The following TASP1 variants were observed in gnomAD, a reference collection of about 807,000 sequenced individuals.
The protein encoded by TASP1 is threonine aspartase 1.
A neutral mutation model predicts 56.6 loss-of-function variants in TASP1; 16 were observed. The ratio of observed to expected loss-of-function variants is 0.28; its 90% confidence interval spans 0.19 to 0.43. TASP1 has a LOEUF of 0.43. TASP1 is among the 20% of genes least tolerant of loss of function. The probability of loss-of-function intolerance (pLI) is 1.00; values close to 1 mark genes in which losing one functional copy is unlikely to be tolerated. For missense variants in TASP1, 393 were observed against 511.6 expected (o/e 0.77, Z 2.24); for synonymous variants, 179 against 184.2 (o/e 0.97, Z 0.23).
intron 10 of TASP1, among the ~76,000 whole-genome samples, chr20:13,492,967 TA>T (rs1473583826): frequency 1.3e-5 from 2 of 152,118 alleles, no homozygotes; most frequent in African/African-American, 4.8e-5. Context: ...ATAGTACATA[TA>T]CTAAGTGCTT....
At chr20:13,288,807 C>CG in the TASP1 span, 1 of 963,026 alleles carries the variant, frequency 1.0e-6, no homozygotes, top group African/African-American at 1.7e-5. Context: ...TTTTTTGAGA[C>CG]GGAGTCTCTC....
intron 12 of TASP1, among the ~76,000 whole-genome samples, chr20:13,432,318 T>C (rs919825177): frequency 6.6e-6 from 1 of 152,200 alleles, no homozygotes; most frequent in African/African-American, 2.4e-5. Context: ...AAGAAATAGA[T>C]GTGTGAGCAC....
the TASP1 span, among the ~76,000 whole-genome samples, chr20:13,250,017 G>A: frequency 3.3e-5 from 5 of 152,092 alleles, no homozygotes; most frequent in African/African-American, 4.8e-5. Context: ...TCCATCGATC[G>A]CTTCCAGGGG....
intron 4 of TASP1, among the ~76,000 whole-genome samples, chr20:13,595,882 G>C (rs1403380346): frequency 6.6e-6 from 1 of 152,086 alleles, no homozygotes; most frequent in East Asian, 1.9e-4. Context: ...AGACCTAATA[G>C]ACACCTACAG....
chr20:13,318,206 T>C, the TASP1 span, among the ~76,000 whole-genome samples: 4 of 151,494 alleles, frequency 2.6e-5, 1 homozygote, highest in African/African-American at 9.7e-5. Flanking sequence ...AAAGAAGATA[T>C]ACAGATGGCA....
chr20:13,569,619 A>C (rs368764059), intron 6 of TASP1, 33 bp from the exon 7 acceptor site: 38 of 1,563,038 alleles, frequency 2.4e-5, no homozygotes, highest in Non-Finnish European at 3.2e-5. Flanking sequence ...TAAAATTCAC[A>C]GTGTCATCTT....
chr20:13,431,687 T>A (rs1252648713), intron 12 of TASP1, among the ~76,000 whole-genome samples: 1 of 152,180 alleles, frequency 6.6e-6, no homozygotes, highest in African/African-American at 2.4e-5. Context: ...AAATCCATGT[T>A]GAAACCTATT....
intron 13 of TASP1, among the ~76,000 whole-genome samples, chr20:13,416,063 G>A (rs886363437): frequency 6.6e-6 from 1 of 152,080 alleles, no homozygotes; most frequent in Admixed American, 6.5e-5. Flanking sequence ...TGGTAGCCAC[G>A]AGCCACATGT....
chr20:13,501,017 C>T (rs953062040), intron 10 of TASP1, among the ~76,000 whole-genome samples: 10 of 151,852 alleles, frequency 6.6e-5, no homozygotes, highest in African/African-American at 1.7e-4. Context: ...ACAAAGAGAC[C>T]ACTACAGATA....
chr20:13,359,899 C>T, the TASP1 span, among the ~76,000 whole-genome samples: 2 of 152,006 alleles, frequency 1.3e-5, no homozygotes, highest in Non-Finnish European at 1.5e-5. Context: ...CGATCATGCA[C>T]CCCTTACCAT....
chr20:13,209,172 C>A, the TASP1 span, among the ~76,000 whole-genome samples: 1 of 152,124 alleles, frequency 6.6e-6, no homozygotes, highest in African/African-American at 2.4e-5. Flanking sequence ...TTGAAATTGA[C>A]CTGAAACCTG....
At chr20:13,294,726 C>T in the TASP1 span, among the ~76,000 whole-genome samples, 1 of 151,812 alleles carries the variant, frequency 6.6e-6, no homozygotes, top group Admixed American at 6.5e-5. Flanking sequence ...AGAGAGGAGG[C>T]CACAGCCACA....
the TASP1 span, among the ~76,000 whole-genome samples, chr20:13,202,755 C>T: frequency 6.6e-6 from 1 of 152,178 alleles, no homozygotes; most frequent in African/African-American, 2.4e-5. Flanking sequence ...AAGTGAGGTA[C>T]GGAAACAGCT....
intron 13 of TASP1, among the ~76,000 whole-genome samples, chr20:13,397,046 C>G (rs2041568678): frequency 6.6e-6 from 1 of 152,196 alleles, no homozygotes; most frequent in Admixed American, 6.5e-5. Context: ...CAAGAGTTCC[C>G]TCCTATTTTT....
chr20:13,175,653 C>T, the TASP1 span, among the ~76,000 whole-genome samples: 5 of 152,164 alleles, frequency 3.3e-5, no homozygotes, highest in African/African-American at 1.2e-4. Flanking sequence ...GAGTTTGGCA[C>T]TTAGATTTAC....
intron 8 of TASP1, among the ~76,000 whole-genome samples, chr20:13,546,466 T>A (rs1011255316): frequency 6.6e-6 from 1 of 152,196 alleles, no homozygotes; most frequent in Non-Finnish European, 1.5e-5. Context: ...AAAGGCACAA[T>A]CACAAGCTTC....
At chr20:13,187,511 A>G in the TASP1 span, among the ~76,000 whole-genome samples, 1 of 152,140 alleles carries the variant, frequency 6.6e-6, no homozygotes, top group East Asian at 1.9e-4. Context: ...GCACTTTGGG[A>G]GGCCGAGGTG....
At chr20:13,258,911 T>G in the TASP1 span, among the ~76,000 whole-genome samples, 1 of 152,054 alleles carries the variant, frequency 6.6e-6, no homozygotes, top group East Asian at 1.9e-4. Flanking sequence ...AACATCCGGA[T>G]AGGGGCCTCT....
the TASP1 span, among the ~76,000 whole-genome samples, chr20:13,157,309 C>T: frequency 6.6e-6 from 1 of 151,370 alleles, no homozygotes; most frequent in Non-Finnish European, 1.5e-5. Context: ...TGGTGGCAGG[C>T]ACCTGTACTC....
Sources: gnomAD v4.1 joint callset for allele counts (sites outside exome capture counted in the v4.1 genomes callset) on GRCh38, gnomAD v4.1.1 for gene constraint, MANE v1.5 for transcripts, NCBI Gene and HGNC (gene_info 2026-07-23, HGNC 2026-07-21) for gene names.